The following NDUFA8 variants were observed in gnomAD, a reference collection of about 807,000 sequenced individuals.
The protein encoded by NDUFA8 is NADH:ubiquinone oxidoreductase subunit A8.
In NDUFA8, 16 loss-of-function variants were observed where a neutral mutation model predicts 20.9. That is an observed-to-expected ratio of 0.77 (90% confidence interval 0.52 to 1.16). The LOEUF (loss-of-function observed/expected upper bound fraction) is 1.16. NDUFA8 is among the 50% of genes most tolerant of loss of function. NDUFA8 has a pLI of 0.00. For missense variants in NDUFA8, 202 were observed against 216.4 expected (o/e 0.93, Z 0.42); for synonymous variants, 70 against 76.1 (o/e 0.92, Z 0.41).
At chr9:122,146,624 C>T (rs567608949) in intron 3 of NDUFA8, among the ~76,000 whole-genome samples, 3 of 152,236 alleles carry the variant, frequency 2.0e-5, no homozygotes, top group East Asian at 1.9e-4. Flanking sequence ...GGAACTAGAC[C>T]GGGTATGGTG....
chr9:122,133,179 A>G, the NDUFA8 span, among the ~76,000 whole-genome samples: 4 of 152,202 alleles, frequency 2.6e-5, no homozygotes, highest in Non-Finnish European at 4.4e-5. Flanking sequence ...AATTGAACCC[A>G]GGTCCCTCCG....
At chr9:122,143,630 G>C (rs916751158), downstream of NDUFA8, among the ~76,000 whole-genome samples, 58 of 152,320 alleles carry the variant, frequency 3.8e-4, no homozygotes, top group African/African-American at 1.3e-3. Context: ...TAATGCTTGA[G>C]GATGGGATAT....
downstream of NDUFA8, among the ~76,000 whole-genome samples, chr9:122,141,260 CA>C (rs1408317345): frequency 1.3e-5 from 2 of 152,192 alleles, no homozygotes; most frequent in Non-Finnish European, 1.5e-5. Context: ...CTTTAGTTAG[CA>C]GCCATTCGTG....
intron 1 of NDUFA8, among the ~76,000 whole-genome samples, chr9:122,152,872 G>C (rs1189562827): frequency 1.3e-5 from 2 of 152,190 alleles, no homozygotes; most frequent in African/African-American, 2.4e-5. Flanking sequence ...TTATGGTAGA[G>C]AGAAAAGGGG....
intron 1 of NDUFA8, among the ~76,000 whole-genome samples, chr9:122,154,052 C>T (rs1338731728): frequency 6.6e-6 from 1 of 152,214 alleles, no homozygotes; most frequent in Admixed American, 6.5e-5. Context: ...GGGTCATTAA[C>T]ATCTTTCTCA....
intron 1 of NDUFA8, among the ~76,000 whole-genome samples, chr9:122,159,100 C>T (rs1829131822): frequency 6.6e-6 from 1 of 152,054 alleles, no homozygotes. Flanking sequence ...CTTGAATAAA[C>T]GAATGCTTTA....
intron 2 of NDUFA8, among the ~76,000 whole-genome samples, chr9:122,151,030 G>A (rs1222149024): frequency 1.3e-5 from 2 of 149,706 alleles, no homozygotes; most frequent in African/African-American, 2.5e-5. Flanking sequence ...ACTTCGAAGA[G>A]TGTTTCCAAT....
At chr9:122,150,529 T>G (rs1459220816) in intron 2 of NDUFA8, among the ~76,000 whole-genome samples, 2 of 150,880 alleles carry the variant, frequency 1.3e-5, no homozygotes, top group Non-Finnish European at 2.9e-5. Context: ...TATTAACTGA[T>G]GAAAATGATC....
chr9:122,139,350 C>A (rs1828788584), downstream of NDUFA8, among the ~76,000 whole-genome samples: 1 of 111,418 alleles, frequency 9.0e-6, no homozygotes, highest in African/African-American at 2.7e-5. Flanking sequence ...AACGTTCCCT[C>A]ACCCCCTAGC....
In NDUFA8 at chr9:122,147,817, G is replaced by A. The variant is rs184839207; in HGVS notation, c.381+295C>T. On this transcript the variant is annotated intron_variant, in intron 3 of 3. Transcript: ENST00000373768. Reference sequence around the variant, plus strand: ...AATTTTTTGTATTTTTAGTAGAGACGGGGTTTTACCATGTTAGCGAGGATG... The same window carrying A: ...AATTTTTTGTATTTTTAGTAGAGACAGGGTTTTACCATGTTAGCGAGGATG... Among the ~76,000 whole-genome samples the A allele has an allele frequency of 1.1e-4, 17 of 151,900 alleles. No homozygotes were observed. The South Asian group carries it at 1.5e-3, about 13-fold the overall frequency.
At chr9:122,152,601 G>C (rs551721439) in intron 1 of NDUFA8, among the ~76,000 whole-genome samples, 193 bp from the exon 2 acceptor site, 44 of 149,196 alleles carry the variant, frequency 2.9e-4, no homozygotes, top group Admixed American at 6.0e-4. Context: ...CATTCCCCAG[G>C]CTGGAGTGCA....
chr9:122,133,932 G>A, the NDUFA8 span, among the ~76,000 whole-genome samples: 1 of 152,160 alleles, frequency 6.6e-6, no homozygotes, highest in Non-Finnish European at 1.5e-5. Flanking sequence ...CCTGAGACCC[G>A]GCCAGGCCAT....
rs142846126 is a variant in NDUFA8, at chr9:122,148,139, C to T, written c.354G>A (p.Val118=). Residue 118 remains valine, a synonymous_variant, in exon 3 of 4, where the codon GTG becomes GTA. Coordinates refer to ENST00000373768, the MANE Select transcript of NDUFA8 (RefSeq NM_014222.3). ...TTGACAGTTCTCCCAGGTCAGGCCG[C>T]ACCCAGCCCAGTTTGTCCAGCACAC... The part of the protein sequence containing the change: ...DECVLDKLGW[V]RPDLGELSKV... The T allele has an allele frequency of 2.5e-6, 4 of 1,614,088 alleles. No homozygotes were observed. The African/African-American group carries it at 5.3e-5, about 22-fold the overall frequency.
downstream of NDUFA8, among the ~76,000 whole-genome samples, chr9:122,143,033 G>A (rs553408900): frequency 2.7e-4 from 41 of 152,320 alleles, no homozygotes; most frequent in African/African-American, 8.4e-4. Context: ...AAATGCTTCC[G>A]GATGTGGGGT....
intron 1 of NDUFA8, among the ~76,000 whole-genome samples, chr9:122,157,109 A>C (rs1306613692): frequency 6.6e-6 from 1 of 152,196 alleles, no homozygotes; most frequent in Non-Finnish European, 1.5e-5. Flanking sequence ...ACAACATTTC[A>C]AAAAGGGACT....
downstream of NDUFA8, among the ~76,000 whole-genome samples, chr9:122,141,991 C>T (rs1237416055): frequency 2.0e-5 from 3 of 152,136 alleles, no homozygotes; most frequent in South Asian, 2.1e-4. Flanking sequence ...CAGTTCAAGA[C>T]GCGTTGCTCT....
At chr9:122,145,203 A>T (rs1198868102) in intron 3 of NDUFA8, among the ~76,000 whole-genome samples, 2 of 152,242 alleles carry the variant, frequency 1.3e-5, no homozygotes, top group South Asian at 4.1e-4. Flanking sequence ...GTGCCACTGA[A>T]GCACGGCAGT....
At chr9:122,148,966 A>G (rs985451113) in intron 2 of NDUFA8, among the ~76,000 whole-genome samples, 1 of 152,222 alleles carries the variant, frequency 6.6e-6, no homozygotes, top group Non-Finnish European at 1.5e-5. Context: ...TATAAAAAGA[A>G]TAAGTTTCAG....
chr9:122,138,333 C>G, the NDUFA8 span, among the ~76,000 whole-genome samples: 22 of 152,050 alleles, frequency 1.4e-4, no homozygotes, highest in Admixed American at 3.9e-4. Context: ...TTCTTATTAC[C>G]GCAGCCTAAT....
Sources: allele counts gnomAD v4.1 joint callset (sites outside exome capture counted in the v4.1 genomes callset), GRCh38; gene constraint gnomAD v4.1.1; transcripts MANE v1.5; gene names NCBI Gene and HGNC (gene_info 2026-07-23, HGNC 2026-07-21).